The following RAB6B variants were observed in gnomAD, a reference collection of about 807,000 sequenced individuals.
RAB6B encodes ras-related protein Rab-6B.
A neutral mutation model predicts 31.2 loss-of-function variants in RAB6B; 7 were observed. The ratio of observed to expected loss-of-function variants is 0.22; its 90% CI spans 0.13 to 0.42. RAB6B has a LOEUF of 0.42. RAB6B is among the 10% of genes least tolerant of loss of function. The probability of loss-of-function intolerance (pLI) is 1.00; values close to 1 mark genes in which losing one functional copy is unlikely to be tolerated. For missense variants in RAB6B, 149 were observed against 280.6 expected, an observed-to-expected ratio of 0.53 and a Z score of 3.35; for synonymous variants, 105 against 104.9, an observed-to-expected ratio of 1.00 and a Z score of -0.01.
At chr3:133,878,944 G>GGATACCC (rs1413558509) in intron 1 of RAB6B, among the ~76,000 whole-genome samples, 3 of 152,214 alleles carry the variant, frequency 2.0e-5, no homozygotes, top group Non-Finnish European at 4.4e-5. Flanking sequence ...AGAAGGAGCA[G>GGATACCC]GATACCCACA....
At chr3:133,838,052 T>G (rs1353815935) in intron 6 of RAB6B, 114 bp downstream of exon 6, 2 of 1,109,376 alleles carry the variant, frequency 1.8e-6, no homozygotes, top group Non-Finnish European at 2.7e-6. Context: ...TCTGGTTGGC[T>G]GCCCCAATCC....
chr3:133,895,250 C>G, intron 1 of RAB6B, 147 bp downstream of exon 1: 1 of 829,892 alleles, frequency 1.2e-6, no homozygotes, highest in East Asian at 2.9e-5. Context: ...AGCCCGACCC[C>G]GCCCCGACCT....
chr3:133,834,479 G>GGGGACT, intron 7 of RAB6B, 96 bp downstream of exon 7: 1 of 1,340,830 alleles, frequency 7.5e-7, no homozygotes, highest in Non-Finnish European at 1.1e-6. Flanking sequence ...AAGGCTGGGC[G>GGGGACT]GGGACTGGGC....
At chr3:133,861,595 C>T (rs1199121949) in intron 2 of RAB6B, among the ~76,000 whole-genome samples, 1 of 152,206 alleles carries the variant, frequency 6.6e-6, no homozygotes, top group African/African-American at 2.4e-5. Context: ...GGTTAAACGC[C>T]CCCTCCCTGT....
rs1935702866 is a variant in RAB6B, at chr3:133,834,472, GCTGGGCGGGGACTGGGCGAGTGT to G, written c.562+80_562+102del. On this transcript the variant is annotated intron_variant, in intron 7 of 7. Transcript: ENST00000285208. ...TGCCATTCGCGGCAGACCAGGGAAG[GCTGGGCGGGGACTGGGCGAGTGT>G]CTGTCCACTGCACTAACATATTCAG... 5.4e-6 allele frequency: 7 copies of G among 1,289,782 alleles called. No individual in the cohort carries two copies. In the South Asian group the frequency reaches 8.3e-5, roughly 15 times the overall value. The allele number at this position is 1,289,782 out of a possible 1,614,324, so 79.9% of individuals were successfully genotyped here. A position where few individuals can be genotyped will look rare whatever the true frequency, so the allele number is the denominator to read the frequency against.
intron 1 of RAB6B, among the ~76,000 whole-genome samples, chr3:133,889,434 A>ATC (rs1936604324): frequency 3.1e-5 from 2 of 65,242 alleles, no homozygotes; most frequent in African/African-American, 1.2e-4. Context: ...ATATATATAT[A>ATC]TATATATATA....
At chr3:133,833,470 C>A (rs1333645327) in intron 7 of RAB6B, among the ~76,000 whole-genome samples, 2 of 152,082 alleles carry the variant, frequency 1.3e-5, no homozygotes, top group Non-Finnish European at 2.9e-5. Context: ...TCTGAGAGCT[C>A]CTTGAGCAAG....
intron 2 of RAB6B, among the ~76,000 whole-genome samples, chr3:133,860,012 C>T (rs1936136839): frequency 6.6e-6 from 1 of 152,152 alleles, no homozygotes; most frequent in South Asian, 2.1e-4. Flanking sequence ...GGGCAGGAGG[C>T]ACGTGAAGGG....
At chr3:133,849,237 C>CCCTTTAG (rs1293223188) in intron 2 of RAB6B, among the ~76,000 whole-genome samples, 3 of 152,204 alleles carry the variant, frequency 2.0e-5, no homozygotes, top group African/African-American at 7.2e-5. Flanking sequence ...GGAAAGATCT[C>CCCTTTAG]ATACTAATCA....
At chr3:133,833,745 G>A (rs1002502806) in intron 7 of RAB6B, among the ~76,000 whole-genome samples, 1 of 152,194 alleles carries the variant, frequency 6.6e-6, no homozygotes, top group African/African-American at 2.4e-5. Context: ...TGTAGGGACA[G>A]GTCCACTGTA....
rs74444026 is a variant in RAB6B at position 133,850,195 on chromosome 3, G to C, written c.130-8532C>G. Among the ~76,000 whole-genome samples the C allele has an allele frequency of 2.2e-3, 342 of 152,236 alleles. 1 individual carries two copies. Among genetic ancestry groups the C allele is most frequent in the African/African-American group, 7.4e-3 (309 of 41,542 alleles). Reference sequence around the variant, plus strand: ...AACTTTCAGTTGCTGCCTACCACGGGGGGGAGAATTGAGAATTTGGGTCCA... The same window carrying C: ...AACTTTCAGTTGCTGCCTACCACGGCGGGGAGAATTGAGAATTTGGGTCCA... On this transcript the variant is annotated intron_variant, in intron 2 of 7. Coordinates refer to ENST00000285208, the MANE Select transcript of RAB6B (RefSeq NM_016577.4).
intron 1 of RAB6B, among the ~76,000 whole-genome samples, chr3:133,891,379 G>A (rs1936635658): frequency 6.6e-6 from 1 of 152,162 alleles, no homozygotes. Flanking sequence ...CTTGTTCCAA[G>A]ACCTACTTTC....
At chr3:133,875,135 T>A (rs1331562772) in intron 1 of RAB6B, among the ~76,000 whole-genome samples, 1 of 152,256 alleles carries the variant, frequency 6.6e-6, no homozygotes, top group East Asian at 1.9e-4. Flanking sequence ...AGCTCCATTA[T>A]AATCTTATGG....
At chr3:133,858,107 C>T (rs1270071156) in intron 2 of RAB6B, among the ~76,000 whole-genome samples, 2 of 152,174 alleles carry the variant, frequency 1.3e-5, no homozygotes, top group Non-Finnish European at 2.9e-5. Flanking sequence ...ATGGCGCACC[C>T]TTCCTACCCA....
In RAB6B at chr3:133,826,098, C is replaced by T. The variant is rs1935557953; in HGVS notation, c.*2690G>A. 2.0e-5 allele frequency: 3 copies of T among 152,260 alleles called. No individual in the cohort carries two copies. The highest frequency in any genetic ancestry group is 7.2e-5 in the African/African-American group (3 of 41,462). 9.4% of individuals were successfully genotyped at this position (152,260 alleles called of 1,614,324 possible). ...AAAAAGAGGTCTGGCTGCCTTTCCA[C>T]ACCCCAGGAAGGGAGGGGCGGAAAC... On this transcript the variant is annotated 3_prime_UTR_variant, in exon 8 of 8. Transcript: ENST00000285208.
chr3:133,885,502 T>A (rs76227265), intron 1 of RAB6B: 8,950 of 699,524 alleles, frequency 0.013, 115 homozygotes, highest in Middle Eastern at 0.052. Flanking sequence ...GACTCACACA[T>A]CCAATGACCA....
intron 6 of RAB6B, among the ~76,000 whole-genome samples, chr3:133,837,309 A>G (rs145543075): frequency 5.2e-4 from 79 of 152,298 alleles, no homozygotes; most frequent in Non-Finnish European, 7.3e-5. Context: ...ATAAAACTTC[A>G]TCGACATTTG....
intron 2 of RAB6B, among the ~76,000 whole-genome samples, 158 bp from the exon 3 acceptor site, chr3:133,841,821 C>T (rs1576395497): frequency 6.6e-6 from 1 of 152,224 alleles, no homozygotes; most frequent in Non-Finnish European, 1.5e-5. Flanking sequence ...CCTGCTACCA[C>T]TCAGCGGCTC....
At chr3:133,834,403 C>G (rs1935701096) in intron 7 of RAB6B, among the ~76,000 whole-genome samples, 172 bp downstream of exon 7, 1 of 152,148 alleles carries the variant, frequency 6.6e-6, no homozygotes, top group Non-Finnish European at 1.5e-5. Flanking sequence ...GACGGGGGCT[C>G]CAAACCATAG....
Sources: gnomAD v4.1 joint callset for allele counts (sites outside exome capture counted in the v4.1 genomes callset) on GRCh38, gnomAD v4.1.1 for gene constraint, MANE v1.5 for transcripts, NCBI Gene and HGNC (gene_info 2026-07-23, HGNC 2026-07-21) for gene names.